SLC8A3: variants seen among roughly 807,000 people sequenced by gnomAD.
SLC8A3 encodes the protein solute carrier family 8 member A3, also known as sodium/calcium exchanger 3.
In SLC8A3, 37 loss-of-function variants were observed where a neutral mutation model predicts 65.4. The ratio of observed to expected loss-of-function variants is 0.57; its 90% confidence interval spans 0.44 to 0.74. The LOEUF is 0.74. Among genes scored for constraint, SLC8A3 ranks in the 30% least tolerant of loss-of-function variants. SLC8A3 has a pLI of 0.00. For synonymous variants in SLC8A3, 461 were observed against 444.5 expected (o/e 1.04, Z -0.47); for missense variants, 1,112 against 1,172.1 (o/e 0.95, Z 0.75).
At chr14:70,048,028 T>G (rs771156030) in intron 6 of SLC8A3, 2 of 152,580 alleles carry the variant, frequency 1.3e-5, no homozygotes, top group Admixed American at 6.5e-5. Flanking sequence ...TTCACTATAG[T>G]CCCAAAAACT....
Position 70,046,077 on chromosome 14 carries a change from G to A in SLC8A3, c.2636C>T (p.Pro879Leu), listed in dbSNP as rs1469537497. The A allele has an allele frequency of 3.1e-6, 5 of 1,613,982 alleles. No homozygotes were observed. The highest frequency in any genetic ancestry group is 4.2e-6 in the Non-Finnish European group (5 of 1,180,022). ...GCCACCAAGCTCCCCTCCCAGGTGC[G>A]GCCGCCTTCGGTACAAGAGCACGCT... is the stretch of plus-strand genomic sequence containing the variant. ...CISVLLYRRR[P>L]HLGGELGGPR... is the part of the protein sequence containing the mutation. The change falls in exon 7 of 7, where the codon CCG becomes CTG. Residue 879 changes from proline to leucine, a missense_variant. By Grantham distance (98) the Pro-to-Leu change is moderately conservative. Coordinates refer to ENST00000356921, the MANE Select transcript of SLC8A3 (RefSeq NM_182932.3). This position sits in a 1 kb window ranked among gnomAD's most constrained non-coding sequence, Gnocchi z 4.2.
intron 2 of SLC8A3, among the ~76,000 whole-genome samples, chr14:70,069,668 G>A (rs972289130): frequency 7.2e-5 from 11 of 152,172 alleles, no homozygotes; most frequent in African/African-American, 9.6e-5. Context: ...ACCCCCCACC[G>A]CCACCTGTCA....
At chr14:70,127,189 G>A (rs1348766818) in intron 2 of SLC8A3, among the ~76,000 whole-genome samples, 1 of 151,900 alleles carries the variant, frequency 6.6e-6, no homozygotes, top group Non-Finnish European at 1.5e-5. Context: ...GGGTAGGGGT[G>A]GGAGAAAGTA....
At chr14:70,179,296 T>C (rs1439547838) in intron 1 of SLC8A3, among the ~76,000 whole-genome samples, 1 of 152,234 alleles carries the variant, frequency 6.6e-6, no homozygotes, top group Non-Finnish European at 1.5e-5. Context: ...ATTCACTTGA[T>C]GAAATCATCA....
At chr14:70,178,584 A>C (rs1432290694) in intron 1 of SLC8A3, among the ~76,000 whole-genome samples, 1 of 152,212 alleles carries the variant, frequency 6.6e-6, no homozygotes, top group Non-Finnish European at 1.5e-5. Flanking sequence ...AAAAACCCAA[A>C]ATATTGAGAT....
chr14:70,167,223 A>G lies in SLC8A3; in HGVS notation c.1200T>C (p.Phe400=). ...CCAGGCACTGGTAAGAACATGGGTC[A>G]AAGAAGACCTTGGAAATAAAGTCCT... ...EPEDFISKVF[F]DPCSYQCLEN... The change falls in exon 2 of 7, where the codon TTT becomes TTC. Residue 400 remains phenylalanine (F), a synonymous_variant. Transcript: ENST00000356921. 1.2e-6 allele frequency: 2 copies of G among 1,614,182 alleles called. No homozygotes were observed. Among genetic ancestry groups the G allele is most frequent in the Non-Finnish European group, 1.7e-6 (2 of 1,180,022 alleles).
intron 2 of SLC8A3, among the ~76,000 whole-genome samples, chr14:70,152,648 G>A (rs1053423032): frequency 6.6e-6 from 1 of 152,142 alleles, no homozygotes. Flanking sequence ...ATCCTGGGCA[G>A]ACAGATCTGT....
intron 2 of SLC8A3, among the ~76,000 whole-genome samples, chr14:70,123,922 G>A (rs976942544): frequency 6.6e-6 from 1 of 151,980 alleles, no homozygotes; most frequent in Admixed American, 6.6e-5. Flanking sequence ...TCCATTTCCA[G>A]GTCTGGCCTC....
intron 2 of SLC8A3, among the ~76,000 whole-genome samples, chr14:70,151,667 G>A (rs1751780858): frequency 6.6e-6 from 1 of 152,168 alleles, no homozygotes; most frequent in African/African-American, 2.4e-5. Context: ...CCACAAACGT[G>A]GTAGCTTAAA....
intron 2 of SLC8A3, among the ~76,000 whole-genome samples, chr14:70,161,976 T>G (rs1163118704): frequency 1.3e-5 from 2 of 152,232 alleles, no homozygotes; most frequent in African/African-American, 4.8e-5. Context: ...CTAAAAGATG[T>G]TCCAACTATG....
At chr14:70,123,842 A>C (rs1223547505) in intron 2 of SLC8A3, among the ~76,000 whole-genome samples, 1 of 152,116 alleles carries the variant, frequency 6.6e-6, no homozygotes, top group Non-Finnish European at 1.5e-5. Flanking sequence ...ATTTTTTCTG[A>C]CATCTATTTA....
Position 70,167,994 on chromosome 14 carries a change from G to T in SLC8A3, c.429C>A (p.Ser143=). 1 of 1,614,018 alleles carries T rather than the reference G, an allele frequency of 6.2e-7. No homozygotes were observed. The highest frequency in any genetic ancestry group is 2.2e-5 in the East Asian group (1 of 44,892). Reference sequence around the variant, plus strand: ...AAGAGAGGAGTATCTCAGGAGCAGAGGAACCCAGGGCCATAAGGGTCAGGT... The same window carrying T: ...AAGAGAGGAGTATCTCAGGAGCAGATGAACCCAGGGCCATAAGGGTCAGGT... The part of the protein sequence containing the change: ...VSNLTLMALG[S]SAPEILLSLI... The change falls in exon 2 of 7, where the codon TCC becomes TCA. Residue 143 remains serine, a synonymous_variant. Coordinates refer to ENST00000356921, the MANE Select transcript of SLC8A3 (RefSeq NM_182932.3).
At chr14:70,174,231 C>T (rs369810197) in intron 1 of SLC8A3, among the ~76,000 whole-genome samples, 3 of 152,320 alleles carry the variant, frequency 2.0e-5, no homozygotes, top group East Asian at 3.9e-4. Context: ...TGGAGGCCCC[C>T]GACAAGCTTG....
intron 3 of SLC8A3, among the ~76,000 whole-genome samples, chr14:70,056,231 A>G (rs1308686579): frequency 6.6e-6 from 1 of 152,226 alleles, no homozygotes; most frequent in East Asian, 1.9e-4. Context: ...ACCCTGCCAG[A>G]GTAGCTAACT....
intron 2 of SLC8A3, among the ~76,000 whole-genome samples, chr14:70,161,464 T>C (rs936362934): frequency 5.9e-5 from 9 of 152,138 alleles, no homozygotes; most frequent in African/African-American, 1.7e-4. Context: ...AAGACAAATC[T>C]GTGCCAAGTA....
intron 4 of SLC8A3, 143 bp from the exon 5 acceptor site, chr14:70,051,250 T>C (rs755082554): frequency 5.0e-6 from 3 of 605,320 alleles, no homozygotes; most frequent in South Asian, 3.9e-5. Flanking sequence ...GCGATCTCTT[T>C]TGAGGCAATC....
chr14:70,131,513 G>C (rs1894829006), intron 2 of SLC8A3, among the ~76,000 whole-genome samples: 1 of 152,218 alleles, frequency 6.6e-6, no homozygotes, highest in Non-Finnish European at 1.5e-5. Flanking sequence ...AATGGAGCTG[G>C]AGGAGGACAC....
At chr14:70,146,085 G>A (rs1249214034) in intron 2 of SLC8A3, among the ~76,000 whole-genome samples, 1 of 152,184 alleles carries the variant, frequency 6.6e-6, no homozygotes, top group African/African-American at 2.4e-5. Flanking sequence ...GCCAGCCAGG[G>A]CTGGTTACAA....
chr14:70,126,574 A>T (rs200949985), intron 2 of SLC8A3, among the ~76,000 whole-genome samples: 6,135 of 59,152 alleles, frequency 0.1, 114 homozygotes, highest in African/African-American at 0.14. Flanking sequence ...TCTCTCTCAC[A>T]CACACACACA....
Sources: allele counts gnomAD v4.1 joint callset (sites outside exome capture counted in the v4.1 genomes callset), GRCh38; gene constraint gnomAD v4.1.1; non-coding constraint Gnocchi (gnomAD v3.1); transcripts MANE v1.5; gene names NCBI Gene and HGNC (gene_info 2026-07-23, HGNC 2026-07-21).